Variants in DSC3 observed in about 807,000 individuals in gnomAD.
The protein encoded by DSC3 is desmocollin 3.
Under a neutral mutation model 89.5 loss-of-function variants are expected in DSC3, and 97 were observed. The observed-to-expected ratio is 1.08, with a 90% confidence interval of 0.92 to 1.28. The LOEUF is 1.28. Among genes scored for constraint, DSC3 ranks in the 50% most tolerant of loss-of-function variants. The pLI is 0.00. For synonymous variants in DSC3, 436 were observed against 384.1 expected (o/e 1.14, Z -1.58); for missense variants, 1,199 against 1,085.3 (o/e 1.10, Z -1.47).
At chr18:31,029,425 TTA>T in intron 4 of DSC3, 82 bp downstream of exon 4, 1 of 1,528,944 alleles carries the variant, frequency 6.5e-7, no homozygotes, top group Non-Finnish European at 9.0e-7. Context: ...CTGTTTATTT[TTA>T]TATGTTTAAA....
Position 30,994,236 on chromosome 18 carries a change from T to C in DSC3, c.2630A>G (p.Asp877Gly), listed in dbSNP as rs1239272180. Reference protein sequence around the residue: ...CSEKQEEDGLDFLNNLEPKFI... With the variant: ...CSEKQEEDGLGFLNNLEPKFI... ...TTTGGGTTCCAAATTATTTAAAAAG[T>C]CAAGGCCATCTTCTTCCTGCTTTTC... Residue 877 changes from aspartate to glycine, a missense_variant, in exon 16 of 16, where the codon GAC (aspartate) becomes GGC (glycine). Physicochemically the swap from Asp to Gly is moderately conservative, Grantham distance 94. Coordinates refer to ENST00000360428, the MANE Select transcript of DSC3 (RefSeq NM_001941.5). The C allele has an allele frequency of 1.2e-6, 2 of 1,614,112 alleles. No individual in the cohort carries two copies. The highest frequency in any genetic ancestry group is 1.7e-6 in the Non-Finnish European group (2 of 1,179,996).
intron 7 of DSC3, among the ~76,000 whole-genome samples, chr18:31,021,035 T>G (rs1985400830): frequency 6.6e-6 from 1 of 151,724 alleles, no homozygotes; most frequent in African/African-American, 2.4e-5. Flanking sequence ...GATATTCTTT[T>G]TATCTTCCTC....
intron 15 of DSC3, among the ~76,000 whole-genome samples, chr18:30,996,028 T>C (rs952460822): frequency 2.2e-5 from 3 of 137,218 alleles, no homozygotes; most frequent in South Asian, 4.8e-4. Context: ...TTCTGCTTCA[T>C]AGGTGATTTT....
At position 31,007,053 on chromosome 18, in the gene DSC3, T is replaced by C; in HGVS notation, c.1742A>G (p.Tyr581Cys). Residue 581 changes from tyrosine (Y) to cysteine (C), a missense_variant, in exon 12 of 16, where the codon TAT becomes TGT. Coordinates refer to ENST00000360428, the MANE Select transcript of DSC3 (RefSeq NM_001941.5). ...NDNPPEILQEYVVICKPKMGY... is the reference protein window; with the variant it reads ...NDNPPEILQECVVICKPKMGY... Reference sequence around the variant, plus strand: ...CATTTTTGGTTTGCAAATGACTACATATTCTTGAAGTATTTCTGGTGGATT... The same window carrying C: ...CATTTTTGGTTTGCAAATGACTACACATTCTTGAAGTATTTCTGGTGGATT... 2.5e-6 allele frequency: 4 copies of C among 1,613,914 alleles called. No homozygotes were observed. Among genetic ancestry groups the C allele is most frequent in the Non-Finnish European group, 3.4e-6 (4 of 1,179,872 alleles).
intron 1 of DSC3, among the ~76,000 whole-genome samples, chr18:31,035,713 T>TA (rs1047388888): frequency 5.3e-5 from 8 of 151,934 alleles, no homozygotes; most frequent in East Asian, 1.9e-4. Context: ...TCTAGATCTT[T>TA]AAAAAAAATG....
rs745995381 is a variant in DSC3, at chr18:31,024,359, A to G, written c.765T>C (p.Ser255=). Residue 255 remains serine, a synonymous_variant, in exon 6 of 16, where the codon AGT becomes AGC. Coordinates refer to ENST00000360428, the MANE Select transcript of DSC3 (RefSeq NM_001941.5). The part of the protein sequence containing the change: ...EAIYNFEVLE[S]SRPGTTVGVV... The stretch of plus-strand genomic sequence containing the variant: ...TAAAAGCAGACTTACCAGGTCTACT[A>G]CTTTCCAAAACTTCAAAATTATAAA... 3 of 1,604,034 alleles carry G rather than the reference A, an allele frequency of 1.9e-6. No homozygotes were observed. In the South Asian group the frequency reaches 3.3e-5, roughly 18 times the overall value.
rs191839189 is a variant in DSC3 at position 30,997,216 on chromosome 18, T to G, written c.2236-168A>C. 2.2e-4 allele frequency among the ~76,000 whole-genome samples: 34 copies of G among 152,304 alleles called. No homozygotes were observed. The East Asian group carries it at 6.2e-3, about 28-fold the overall frequency. On this transcript the variant is annotated intron_variant, in intron 14 of 15. Coordinates refer to ENST00000360428, the MANE Select transcript of DSC3 (RefSeq NM_001941.5). Reference sequence around the variant, plus strand: ...TTATGTGCCCAGATACTGTCTTCATTCATTTTGTGCTGCTATAACAGAATA... The same window carrying G: ...TTATGTGCCCAGATACTGTCTTCATGCATTTTGTGCTGCTATAACAGAATA...
At chr18:30,999,487 T>C (rs796068891) in intron 14 of DSC3, among the ~76,000 whole-genome samples, 1 of 151,804 alleles carries the variant, frequency 6.6e-6, no homozygotes, top group South Asian at 2.1e-4. Flanking sequence ...ATCTTCTTGA[T>C]GGTATAATTT....
Position 31,008,465 on chromosome 18 carries a change from G to A in DSC3, c.1324C>T (p.Pro442Ser), listed in dbSNP as rs756391868. The A allele has an allele frequency of 1.9e-5, 30 of 1,614,080 alleles. 1 individual carries two copies. In the South Asian group the frequency reaches 3.3e-4, roughly 18 times the overall value. Residue 442 changes from proline to serine, a missense_variant, in exon 10 of 16, where the codon CCA (proline) becomes TCA (serine). Coordinates refer to ENST00000360428, the MANE Select transcript of DSC3 (RefSeq NM_001941.5). Reference sequence around the variant, plus strand: ...ACTCTGGGAATATCTCTAGCAAATGGCGCTTCATTGTTTACTCCAATTTCC... The same window carrying A: ...ACTCTGGGAATATCTCTAGCAAATGACGCTTCATTGTTTACTCCAATTTCC... ...NLEIGVNNEAPFARDIPRVTA... is the reference protein window; with the variant it reads ...NLEIGVNNEASFARDIPRVTA...
At chr18:31,030,915 T>C in intron 3 of DSC3, 58 bp downstream of exon 3, 1 of 1,484,226 alleles carries the variant, frequency 6.7e-7, no homozygotes, top group South Asian at 1.2e-5. Context: ...CTTTGCAATT[T>C]TTAATAAGAG....
intron 14 of DSC3, among the ~76,000 whole-genome samples, chr18:31,000,577 A>T (rs975902594): frequency 6.6e-6 from 1 of 152,064 alleles, no homozygotes; most frequent in African/African-American, 2.4e-5. Flanking sequence ...CTTCTCTAAC[A>T]CCGAACTTGT....
intron 7 of DSC3, 109 bp from the exon 8 acceptor site, chr18:31,018,909 TCC>T: frequency 2.1e-6 from 2 of 938,332 alleles, no homozygotes; most frequent in Non-Finnish European, 3.3e-6. Context: ...TCTGTGTGTT[TCC>T]GTGCTTTTAC....
In DSC3 at chr18:31,024,433, T is replaced by G; in HGVS notation, c.691A>C (p.Ile231Leu). The G allele has an allele frequency of 6.2e-7, 1 of 1,611,428 alleles. No homozygotes were observed. Among genetic ancestry groups the G allele is most frequent in the Non-Finnish European group, 8.5e-7 (1 of 1,178,146 alleles). Residue 231 changes from isoleucine (I) to leucine (L), a missense_variant, in exon 6 of 16, where the codon ATC (isoleucine) becomes CTC (leucine). Coordinates refer to ENST00000360428, the MANE Select transcript of DSC3 (RefSeq NM_001941.5). ...TTGTCATTTTCATCCTCTACCCTGATGGGTAGTGGGAGGGGCAGATCTGCT... is the reference window on the plus strand; with the variant it reads ...TTGTCATTTTCATCCTCTACCCTGAGGGGTAGTGGGAGGGGCAGATCTGCT... ...YSADLPLPLP[I>L]RVEDENDNHP...
chr18:31,020,900 C>T lies in DSC3; in HGVS notation c.942+1436G>A, dbSNP rs191483026. On this transcript the variant is annotated intron_variant, in intron 7 of 15. Coordinates refer to ENST00000360428, the MANE Select transcript of DSC3 (RefSeq NM_001941.5). ...CAGGTTGCAGTGCACCATGTCTGTGCCATTGCACTTCAGCCTGGGCAAGAG... is the reference window on the plus strand; with the variant it reads ...CAGGTTGCAGTGCACCATGTCTGTGTCATTGCACTTCAGCCTGGGCAAGAG... Among the ~76,000 whole-genome samples, 127 of 152,204 alleles carry T rather than the reference C, an allele frequency of 8.3e-4. 1 individual carries two copies. Among genetic ancestry groups the T allele is most frequent in the African/African-American group, 2.9e-3 (120 of 41,526 alleles).
At chr18:31,022,642 C>G in intron 6 of DSC3, 140 bp from the exon 7 acceptor site, 1 of 1,064,516 alleles carries the variant, frequency 9.4e-7, no homozygotes, top group Non-Finnish European at 1.4e-6. Flanking sequence ...ATTATTTCAT[C>G]TTTAGATAGG....
chr18:31,016,053 G>C (rs904706873), intron 9 of DSC3, among the ~76,000 whole-genome samples: 2 of 152,022 alleles, frequency 1.3e-5, no homozygotes, highest in African/African-American at 2.4e-5. Context: ...GCGCCATGAT[G>C]GTTTACAAAT....
chr18:30,989,456 G>T lies in DSC3; in HGVS notation c.*4719C>A, dbSNP rs1984159656. ...TGGTTGCCAGGGGATAATGCAGGGA[G>T]GGGAAGAGGAGAATGACTGCTTAAA... On this transcript the variant is annotated 3_prime_UTR_variant, in exon 16 of 16. Transcript: ENST00000360428. Among the ~76,000 whole-genome samples the T allele has an allele frequency of 6.6e-6, 1 of 152,120 alleles. No individual in the cohort carries two copies. Among genetic ancestry groups the T allele is most frequent in the Non-Finnish European group, 1.5e-5 (1 of 68,030 alleles).
At chr18:31,000,978 A>AT (rs1349035083) in intron 14 of DSC3, among the ~76,000 whole-genome samples, 1 of 150,374 alleles carries the variant, frequency 6.7e-6, no homozygotes, top group Non-Finnish European at 1.5e-5. Flanking sequence ...ACTTTTGTGT[A>AT]TATATATATA....
At chr18:31,027,043 T>C (rs1416813818) in intron 4 of DSC3, among the ~76,000 whole-genome samples, 1 of 152,128 alleles carries the variant, frequency 6.6e-6, no homozygotes, top group African/African-American at 2.4e-5. Context: ...AAGCCACTAG[T>C]AATTGGGATC....
Sources: allele counts gnomAD v4.1 joint callset (sites outside exome capture counted in the v4.1 genomes callset), GRCh38; gene constraint gnomAD v4.1.1; transcripts MANE v1.5; gene names NCBI Gene and HGNC (gene_info 2026-07-23, HGNC 2026-07-21).